The following PAMR1 variants were observed in gnomAD, a reference collection of about 807,000 sequenced individuals.
The protein encoded by PAMR1 is peptidase domain containing associated with muscle regeneration 1.
Under a neutral mutation model 81.8 loss-of-function variants are expected in PAMR1, and 88 were observed. The ratio of observed to expected loss-of-function variants is 1.08; its 90% CI spans 0.91 to 1.28. PAMR1 has a LOEUF of 1.28. PAMR1 is among the 50% of genes most tolerant of loss of function. PAMR1 has a pLI of 0.00. For missense variants in PAMR1, 935 were observed against 919.7 expected (o/e 1.02, Z -0.21); for synonymous variants, 336 against 345.3 (o/e 0.97, Z 0.30).
chr11:35,462,893 G>C (rs902053202), intron 6 of PAMR1, among the ~76,000 whole-genome samples: 1 of 152,154 alleles, frequency 6.6e-6, no homozygotes, highest in Non-Finnish European at 1.5e-5. Context: ...ACCATCTCAT[G>C]ATGGACAAAG....
chr11:35,474,676 A>G lies in PAMR1; in HGVS notation c.448T>C (p.Cys150Arg), dbSNP rs751834615. The part of the protein sequence containing the change: ...LLESYPLNAH[C>R]EWTIHAKPGF... ...GGTTTAGCATGAATGGTCCATTCAC[A>G]GTGAGCATTTAGGGGATAGCTTTCC... Residue 150 changes from cysteine to arginine, a missense_variant, in exon 4 of 11, where the codon TGT becomes CGT. Coordinates refer to ENST00000619888, the MANE Select transcript of PAMR1 (RefSeq NM_001001991.3). 1 of 1,610,830 alleles carries G rather than the reference A, an allele frequency of 6.2e-7. No individual in the cohort carries two copies.
At chr11:35,508,419 A>G (rs4756240) in intron 1 of PAMR1, among the ~76,000 whole-genome samples, 20,177 of 151,534 alleles carry the variant, frequency 0.13, 1,503 homozygotes, top group East Asian at 0.34. Context: ...GGACTTTGCT[A>G]CTGAAAATCT....
intron 1 of PAMR1, among the ~76,000 whole-genome samples, chr11:35,511,059 G>T (rs1851063597): frequency 6.6e-6 from 1 of 152,206 alleles, no homozygotes; most frequent in African/African-American, 2.4e-5. Flanking sequence ...GCAAGTCATT[G>T]AAAACAATGC....
intron 1 of PAMR1, among the ~76,000 whole-genome samples, chr11:35,499,172 G>C (rs780487499): frequency 3.9e-5 from 6 of 152,164 alleles, no homozygotes; most frequent in African/African-American, 1.4e-4. Flanking sequence ...TGAGCCAGGA[G>C]AGCCAGCTTT....
intron 3 of PAMR1, among the ~76,000 whole-genome samples, chr11:35,475,864 G>A (rs1056963972): frequency 2.6e-5 from 4 of 152,022 alleles, no homozygotes; most frequent in African/African-American, 9.7e-5. Flanking sequence ...CTTACTATCC[G>A]GCTATTCACA....
intron 10 of PAMR1, among the ~76,000 whole-genome samples, chr11:35,433,894 A>G (rs776100302): frequency 2.6e-5 from 4 of 152,128 alleles, no homozygotes; most frequent in Non-Finnish European, 4.4e-5. Context: ...ATGGATAGAC[A>G]GATGGGTGGG....
intron 7 of PAMR1, among the ~76,000 whole-genome samples, chr11:35,439,915 C>A (rs902500292): frequency 5.3e-5 from 8 of 152,188 alleles, no homozygotes; most frequent in African/African-American, 1.9e-4. Context: ...CCAAGAAGAG[C>A]AGATGCCTCT....
intron 1 of PAMR1, among the ~76,000 whole-genome samples, chr11:35,510,391 A>G (rs1565359910): frequency 4.6e-5 from 7 of 152,170 alleles, no homozygotes; most frequent in Admixed American, 3.3e-4. Context: ...CCACCATTAG[A>G]GTATCCTACA....
intron 6 of PAMR1, among the ~76,000 whole-genome samples, chr11:35,448,846 T>A (rs1356758558): frequency 2.0e-5 from 3 of 152,190 alleles, no homozygotes. Flanking sequence ...TTTGTTGATG[T>A]TGTTGTTGCT....
At chr11:35,474,833 C>A (rs1850257867) in intron 3 of PAMR1, 89 bp from the exon 4 acceptor site, 1 of 789,440 alleles carries the variant, frequency 1.3e-6, no homozygotes, top group Non-Finnish European at 2.2e-6. Context: ...TGAGCACATG[C>A]CACACCCCTG....
chr11:35,439,773 C>T, intron 7 of PAMR1, 80 bp from the exon 8 acceptor site: 2 of 1,236,888 alleles, frequency 1.6e-6, no homozygotes, highest in East Asian at 4.6e-5. Flanking sequence ...TCATACCTGA[C>T]CCCCACTTCT....
chr11:35,497,546 AT>A (rs1850749887), intron 1 of PAMR1, among the ~76,000 whole-genome samples: 1 of 152,184 alleles, frequency 6.6e-6, no homozygotes, highest in Non-Finnish European at 1.5e-5. Flanking sequence ...TACACTTAAA[AT>A]GGCTAAAATG....
chr11:35,510,394 A>G (rs535504228), intron 1 of PAMR1, among the ~76,000 whole-genome samples: 91 of 152,302 alleles, frequency 6.0e-4, no homozygotes, highest in African/African-American at 2.2e-3. Context: ...CCATTAGAGT[A>G]TCCTACAGAG....
At chr11:35,523,064 T>C (rs1851311476) in intron 1 of PAMR1, among the ~76,000 whole-genome samples, 1 of 152,172 alleles carries the variant, frequency 6.6e-6, no homozygotes, top group South Asian at 2.1e-4. Context: ...TCTCAGATTG[T>C]ATATTAGGGG....
chr11:35,506,080 A>C (rs2135413201), intron 1 of PAMR1, among the ~76,000 whole-genome samples: 1 of 151,518 alleles, frequency 6.6e-6, no homozygotes, highest in African/African-American at 2.4e-5. Flanking sequence ...GATATAACAA[A>C]TTATTTTAAA....
chr11:35,525,426 C>A (rs539160159), intron 1 of PAMR1, 87 bp downstream of exon 1: 1 of 1,104,384 alleles, frequency 9.1e-7, no homozygotes, highest in African/African-American at 1.5e-5. Flanking sequence ...CCTGAGACTC[C>A]CAGTCCTGCT....
intron 1 of PAMR1, among the ~76,000 whole-genome samples, chr11:35,511,059 G>C (rs1851063597): frequency 6.6e-6 from 1 of 152,206 alleles, no homozygotes; most frequent in Non-Finnish European, 1.5e-5. Context: ...GCAAGTCATT[G>C]AAAACAATGC....
intron 4 of PAMR1, among the ~76,000 whole-genome samples, 168 bp downstream of exon 4, chr11:35,474,462 T>C (rs1369203983): frequency 6.6e-6 from 1 of 152,168 alleles, no homozygotes; most frequent in Non-Finnish European, 1.5e-5. Flanking sequence ...ATGACAAGCA[T>C]TTAGTTGGCT....
chr11:35,512,092 T>C (rs375000329), intron 1 of PAMR1, among the ~76,000 whole-genome samples: 26 of 152,318 alleles, frequency 1.7e-4, no homozygotes, highest in African/African-American at 5.1e-4. Flanking sequence ...CACCCTCCCT[T>C]TGGGTACCAG....
Sources: gnomAD v4.1 joint callset for allele counts (sites outside exome capture counted in the v4.1 genomes callset) on GRCh38, gnomAD v4.1.1 for gene constraint, MANE v1.5 for transcripts, NCBI Gene and HGNC (gene_info 2026-07-23, HGNC 2026-07-21) for gene names.